TUT4: variants seen among roughly 807,000 people sequenced by gnomAD.
TUT4 encodes terminal uridylyl transferase 4.
In TUT4, 36 loss-of-function variants were observed where a neutral mutation model predicts 192.2. The ratio of observed to expected loss-of-function variants is 0.19; its 90% CI spans 0.14 to 0.25. The LOEUF is 0.25. Among genes scored for constraint, TUT4 ranks in the 10% least tolerant of loss-of-function variants. TUT4 has a pLI of 1.00. For synonymous variants in TUT4, 618 were observed against 666.0 expected (o/e 0.93, Z 1.11); for missense variants, 1,493 against 1,957.2 (o/e 0.76, Z 4.47).
Position 52,481,832 on chromosome 1 carries a change from G to A in TUT4, c.1607C>T (p.Pro536Leu). The A allele has an allele frequency of 1.3e-6, 2 of 1,595,388 alleles. No homozygotes were observed. The highest frequency in any genetic ancestry group is 1.7e-6 in the Non-Finnish European group (2 of 1,175,212). Residue 536 changes from proline to leucine, a missense_variant, in exon 10 of 30, where the codon CCT (proline) becomes CTT (leucine). By Grantham distance (98) the Pro-to-Leu change is moderately conservative (BLOSUM62 -3). Coordinates refer to ENST00000257177, the MANE Select transcript of TUT4 (RefSeq NM_001009881.3). ...ACTTCCAAGTAAGCAAGGAAGAAGA[G>A]GGGGTTTTCTCTGTTGTAGAAAAAA... is the stretch of plus-strand genomic sequence containing the variant. ...VMFFLQQRKP[P>L]LLPCLLGSWI...
chr1:52,461,910 CAT>C (rs1175052506), intron 16 of TUT4, 141 bp from the exon 17 acceptor site: 1 of 549,536 alleles, frequency 1.8e-6, no homozygotes, highest in Non-Finnish European at 3.2e-6. Flanking sequence ...GTAAGTGATT[CAT>C]AGACCTACAG....
At chr1:52,519,332 A>C (rs2149395728) in intron 2 of TUT4, among the ~76,000 whole-genome samples, 1 of 152,260 alleles carries the variant, frequency 6.6e-6, no homozygotes, top group Non-Finnish European at 1.5e-5. Context: ...AAGAGAAAGA[A>C]AGTAGATTCA....
chr1:52,538,042 C>G (rs1234680794), intron 1 of TUT4, among the ~76,000 whole-genome samples: 1 of 152,120 alleles, frequency 6.6e-6, no homozygotes, highest in Non-Finnish European at 1.5e-5. Flanking sequence ...TCAAGAAAAG[C>G]CTGGGCAACA....
chr1:52,431,109 T>G lies in TUT4; in HGVS notation c.4615A>C (p.Arg1539=), dbSNP rs1239545243. The G allele has an allele frequency of 1.2e-6, 2 of 1,614,150 alleles. No individual in the cohort carries two copies. Among genetic ancestry groups the G allele is most frequent in the African/African-American group, 2.7e-5 (2 of 74,956 alleles). ...GACGTGTTAGGGATTGCCACAGGTC[T>G]GGCAGCAGGCTGTGCAAAGATGATG... ...PSIIFAQPAA[R]PVAIPNTSHD... The change falls in exon 28 of 30, where the codon AGA becomes CGA. Residue 1539 remains arginine, a synonymous_variant. Coordinates refer to ENST00000257177, the MANE Select transcript of TUT4 (RefSeq NM_001009881.3).
intron 1 of TUT4, among the ~76,000 whole-genome samples, chr1:52,542,406 A>AT (rs1481730472): frequency 6.6e-6 from 1 of 152,256 alleles, no homozygotes; most frequent in African/African-American, 2.4e-5. Flanking sequence ...GCAAACTGAA[A>AT]TCAGCAGCAC....
chr1:52,483,133 G>A (rs1416130306), intron 9 of TUT4, among the ~76,000 whole-genome samples: 3 of 152,134 alleles, frequency 2.0e-5, no homozygotes, highest in Non-Finnish European at 4.4e-5. Context: ...TCAATGGGAT[G>A]GGTGAAATGT....
chr1:52,512,903 A>AC (rs1677588228), intron 3 of TUT4, among the ~76,000 whole-genome samples: 2 of 149,998 alleles, frequency 1.3e-5, no homozygotes, highest in African/African-American at 4.8e-5. Context: ...AGAAATAAAA[A>AC]AAAAACAAAA....
At chr1:52,534,356 A>G (rs1684329101) in intron 1 of TUT4, among the ~76,000 whole-genome samples, 1 of 152,192 alleles carries the variant, frequency 6.6e-6, no homozygotes, top group African/African-American at 2.4e-5. Context: ...CAAAAATAAA[A>G]TTATAAAAAC....
In TUT4 at chr1:52,502,951, A is replaced by G. The variant is rs190250402; in HGVS notation, c.1000-5768T>C. On this transcript the variant is annotated intron_variant, in intron 4 of 29. Transcript: ENST00000257177. The stretch of plus-strand genomic sequence containing the variant: ...TTAAGTAAGCACTCTTCGCCTCTAC[A>G]CTAACAGCAACAACTATCATTTATT... 7.2e-5 allele frequency among the ~76,000 whole-genome samples: 11 copies of G among 152,210 alleles called. No individual in the cohort carries two copies. In the East Asian group the frequency reaches 1.9e-3, roughly 27 times the overall value.
intron 16 of TUT4, chr1:52,463,926 AT>A: frequency 2.0e-6 from 1 of 495,338 alleles, no homozygotes; most frequent in Non-Finnish European, 3.3e-6. Flanking sequence ...TATTAGTACT[AT>A]ATTTCAGCTA....
At chr1:52,457,088 T>G (rs1474316277) in intron 20 of TUT4, among the ~76,000 whole-genome samples, 1 of 152,146 alleles carries the variant, frequency 6.6e-6, no homozygotes, top group Non-Finnish European at 1.5e-5. Context: ...ACTTAAATCT[T>G]TGGCTAGGAA....
chr1:52,533,325 C>A (rs1161601246), intron 1 of TUT4, among the ~76,000 whole-genome samples: 1 of 152,186 alleles, frequency 6.6e-6, no homozygotes, highest in African/African-American at 2.4e-5. Flanking sequence ...TCACATTTCC[C>A]TTTTGGTATA....
At chr1:52,531,836 A>G (rs1317930363) in intron 1 of TUT4, among the ~76,000 whole-genome samples, 1 of 112,088 alleles carries the variant, frequency 8.9e-6, no homozygotes, top group African/African-American at 3.4e-5. Flanking sequence ...ACTTAAACCT[A>G]TTTATGTTTT....
chr1:52,521,216 T>C (rs1392782680), intron 2 of TUT4, among the ~76,000 whole-genome samples: 1 of 152,244 alleles, frequency 6.6e-6, no homozygotes, highest in Non-Finnish European at 1.5e-5. Context: ...ACTAGTTCAG[T>C]TCCTGGCATG....
chr1:52,476,282 A>G (rs1179017519), intron 12 of TUT4, among the ~76,000 whole-genome samples: 1 of 152,242 alleles, frequency 6.6e-6, no homozygotes, highest in Non-Finnish European at 1.5e-5. Context: ...AAAAGACAGT[A>G]GTAGGAAGAA....
intron 11 of TUT4, among the ~76,000 whole-genome samples, chr1:52,479,287 G>A (rs1055076419): frequency 9.9e-5 from 15 of 152,182 alleles, no homozygotes; most frequent in African/African-American, 3.6e-4. Context: ...GCATTTGAGT[G>A]TGGCGAGAGG....
At chr1:52,440,456 A>T (rs1457076619) in intron 24 of TUT4, among the ~76,000 whole-genome samples, 3 of 108,330 alleles carry the variant, frequency 2.8e-5, no homozygotes, top group East Asian at 2.8e-4. Context: ...TTTTTTTTTT[A>T]AAGACAAGAG....
chr1:52,494,252 G>A (rs1671904984), intron 6 of TUT4, among the ~76,000 whole-genome samples: 1 of 152,138 alleles, frequency 6.6e-6, no homozygotes, highest in African/African-American at 2.4e-5. Flanking sequence ...AAAGAGAAAT[G>A]AGTTGACCAG....
At chr1:52,500,596 C>T (rs1673820921) in intron 4 of TUT4, among the ~76,000 whole-genome samples, 1 of 152,106 alleles carries the variant, frequency 6.6e-6, no homozygotes, top group African/African-American at 2.4e-5. Context: ...AACTCCGTCT[C>T]TACTAAATAC....
Sources: gnomAD v4.1 joint callset for allele counts (sites outside exome capture counted in the v4.1 genomes callset) on GRCh38, gnomAD v4.1.1 for gene constraint, MANE v1.5 for transcripts, NCBI Gene and HGNC (gene_info 2026-07-23, HGNC 2026-07-21) for gene names.